GALNT10: variants seen among roughly 807,000 people sequenced by gnomAD.
The protein encoded by GALNT10 is polypeptide N-acetylgalactosaminyltransferase 10.
In GALNT10, 41 loss-of-function variants were observed where a neutral mutation model predicts 75.0. The observed-to-expected ratio is 0.55, with a 90% CI of 0.43 to 0.71. The LOEUF is 0.71. Among genes scored for constraint, GALNT10 ranks in the 30% least tolerant of loss-of-function variants. The pLI is 0.00. For missense variants in GALNT10, 727 were observed against 818.5 expected (o/e 0.89, Z 1.36); for synonymous variants, 302 against 313.0 (o/e 0.96, Z 0.37).
chr5:154,345,947 ATTTTTTTT>A (rs70978537), intron 4 of GALNT10, among the ~76,000 whole-genome samples: 8 of 65,414 alleles, frequency 1.2e-4, no homozygotes, highest in Non-Finnish European at 1.7e-4. Context: ...CACCCGCCTA[ATTTTTTTT>A]TTTTTTTTTT....
At chr5:154,311,746 G>A (rs1754522187) in intron 3 of GALNT10, among the ~76,000 whole-genome samples, 1 of 152,016 alleles carries the variant, frequency 6.6e-6, no homozygotes, top group South Asian at 2.1e-4. Flanking sequence ...GAGTAGCTGG[G>A]ACTATGGGCA....
At position 154,305,309 on chromosome 5, in the gene GALNT10, A is replaced by G. The variant is rs192404259; in HGVS notation, c.401+7230A>G. Among the ~76,000 whole-genome samples, 322 of 151,912 alleles carry G rather than the reference A, an allele frequency of 2.1e-3. 2 individuals are homozygous for G. Among genetic ancestry groups the G allele is most frequent in the African/African-American group, 5.9e-3 (245 of 41,362 alleles). ...AGACCTCATCTGTAAAAAAAAAAAA[A>G]AAGAAGAAGAAGAAATAGAAACTAC... On this transcript the variant is annotated intron_variant, in intron 3 of 11. Transcript: ENST00000297107.
At chr5:154,288,919 C>T (rs1754150975) in intron 1 of GALNT10, among the ~76,000 whole-genome samples, 1 of 152,086 alleles carries the variant, frequency 6.6e-6, no homozygotes, top group Admixed American at 6.5e-5. Flanking sequence ...TTAACTAAGA[C>T]TTTTTTCTTT....
chr5:154,291,470 G>A (rs1754194618), intron 1 of GALNT10, among the ~76,000 whole-genome samples: 1 of 152,184 alleles, frequency 6.6e-6, no homozygotes, highest in African/African-American at 2.4e-5. Context: ...TGATTCTCCT[G>A]CACATTAAAA....
At chr5:154,413,178 A>G (rs1254749913) in intron 10 of GALNT10, among the ~76,000 whole-genome samples, 173 bp downstream of exon 10, 1 of 152,210 alleles carries the variant, frequency 6.6e-6, no homozygotes, top group Non-Finnish European at 1.5e-5. Context: ...GGATTCCTTC[A>G]CATTGCAATA....
intron 1 of GALNT10, among the ~76,000 whole-genome samples, chr5:154,192,455 C>T (rs772961939): frequency 6.6e-6 from 1 of 152,236 alleles, no homozygotes; most frequent in Non-Finnish European, 1.5e-5. Context: ...AATCTCTTTC[C>T]TCTGTTCCTA....
At chr5:154,294,397 C>T (rs1754243907) in intron 1 of GALNT10, among the ~76,000 whole-genome samples, 1 of 152,136 alleles carries the variant, frequency 6.6e-6, no homozygotes, top group Non-Finnish European at 1.5e-5. Context: ...ACATTGATTG[C>T]ATGTTGAAGT....
At chr5:154,247,734 G>C (rs1446330307) in intron 1 of GALNT10, among the ~76,000 whole-genome samples, 23 of 152,172 alleles carry the variant, frequency 1.5e-4, no homozygotes, top group Non-Finnish European at 2.6e-4. Flanking sequence ...GGGTTTTCTA[G>C]ATATACAATT....
At chr5:154,297,848 G>T in intron 2 of GALNT10, 93 bp from the exon 3 acceptor site, 1 of 1,156,936 alleles carries the variant, frequency 8.6e-7, no homozygotes, top group African/African-American at 1.5e-5. Flanking sequence ...GTTTTATCTT[G>T]GAGGTTTAAT....
chr5:154,246,984 G>T (rs1753436030), intron 1 of GALNT10, among the ~76,000 whole-genome samples: 1 of 152,160 alleles, frequency 6.6e-6, no homozygotes, highest in Non-Finnish European at 1.5e-5. Flanking sequence ...ATTAATTTTT[G>T]TATAAGGTGT....
chr5:154,288,696 AG>A (rs1480596991), intron 1 of GALNT10, among the ~76,000 whole-genome samples: 2 of 152,352 alleles, frequency 1.3e-5, no homozygotes, highest in African/African-American at 4.8e-5. Flanking sequence ...TGGTTGTTGA[AG>A]GAAAATAATT....
intron 2 of GALNT10, among the ~76,000 whole-genome samples, chr5:154,296,656 T>C (rs1375788781): frequency 6.6e-6 from 1 of 152,168 alleles, no homozygotes; most frequent in Non-Finnish European, 1.5e-5. Flanking sequence ...TCGGAAAGGC[T>C]GAAGGCATGT....
intron 3 of GALNT10, among the ~76,000 whole-genome samples, chr5:154,318,802 A>G (rs889031): frequency 0.42 from 64,011 of 152,068 alleles, 15,659 homozygotes; most frequent in East Asian, 0.62. Flanking sequence ...CACTATTTCA[A>G]TGTGTGTCAA....
chr5:154,397,910 A>G (rs59475849), intron 7 of GALNT10, among the ~76,000 whole-genome samples: 3 of 151,946 alleles, frequency 2.0e-5, no homozygotes, highest in African/African-American at 4.8e-5. Flanking sequence ...TCTGGGTCCC[A>G]TTGTGTTTTC....
At chr5:154,255,601 C>T (rs1328795053) in intron 1 of GALNT10, among the ~76,000 whole-genome samples, 1 of 152,078 alleles carries the variant, frequency 6.6e-6, no homozygotes, top group African/African-American at 2.4e-5. Flanking sequence ...CCCAGAGGGG[C>T]ATATTGATTT....
chr5:154,349,078 G>C (rs1755168828), intron 4 of GALNT10, among the ~76,000 whole-genome samples: 1 of 152,084 alleles, frequency 6.6e-6, no homozygotes, highest in Non-Finnish European at 1.5e-5. Context: ...CCATGTTTAA[G>C]TGGCCACAGA....
intron 1 of GALNT10, among the ~76,000 whole-genome samples, chr5:154,250,532 G>A (rs1753500380): frequency 6.6e-6 from 1 of 152,102 alleles, no homozygotes; most frequent in African/African-American, 2.4e-5. Flanking sequence ...TGTACAGCAT[G>A]TACTCCCCAG....
intron 10 of GALNT10, among the ~76,000 whole-genome samples, chr5:154,414,459 T>C (rs986581263): frequency 1.3e-5 from 2 of 152,150 alleles, no homozygotes; most frequent in Admixed American, 6.5e-5. Context: ...CAAAATTATG[T>C]TGAGTGAAAG....
intron 1 of GALNT10, among the ~76,000 whole-genome samples, chr5:154,268,547 A>G (rs1490230680): frequency 6.6e-6 from 1 of 152,216 alleles, no homozygotes; most frequent in African/African-American, 2.4e-5. Flanking sequence ...ACATCTGAGT[A>G]ACAATTTAGG....
Sources: allele counts gnomAD v4.1 joint callset (sites outside exome capture counted in the v4.1 genomes callset), GRCh38; gene constraint gnomAD v4.1.1; transcripts MANE v1.5; gene names NCBI Gene and HGNC (gene_info 2026-07-23, HGNC 2026-07-21).